The following HYDIN variants were observed in gnomAD, a reference collection of about 807,000 sequenced individuals.
HYDIN encodes the protein HYDIN axonemal central pair apparatus protein.
A neutral mutation model predicts 403.9 loss-of-function variants in HYDIN; 132 were observed. That is an observed-to-expected ratio of 0.33 (90% CI 0.28 to 0.38). The LOEUF (loss-of-function observed/expected upper bound fraction) is 0.38. Ranked by LOEUF, HYDIN falls within the 10% of genes least tolerant of loss-of-function variation. The pLI, the probability that HYDIN is intolerant of heterozygous loss-of-function variation, is 1.00. For synonymous variants in HYDIN, 1,202 were observed against 1,891.7 expected, an observed-to-expected ratio of 0.64 and a Z score of 9.46; for missense variants, 2,827 against 5,009.5, an observed-to-expected ratio of 0.56 and a Z score of 13.15.
chr16:71,148,512 G>T (rs1597884299), intron 7 of HYDIN, among the ~76,000 whole-genome samples: 1 of 152,186 alleles, frequency 6.6e-6, no homozygotes, highest in East Asian at 1.9e-4. Flanking sequence ...AGTAAATTTA[G>T]CAAAGTCTGC....
chr16:71,175,955 T>G, intron 4 of HYDIN: 1 of 582,506 alleles, frequency 1.7e-6, no homozygotes, highest in Non-Finnish European at 3.1e-6. Context: ...AACATTATTA[T>G]TCTTAGTTAT....
intron 41 of HYDIN, among the ~76,000 whole-genome samples, chr16:70,950,261 CT>C (rs1288501765): frequency 6.0e-5 from 9 of 150,218 alleles, no homozygotes; most frequent in African/African-American, 2.0e-4. Flanking sequence ...TTTTTATGTA[CT>C]TTTTTTGAGA....
intron 83 of HYDIN, among the ~76,000 whole-genome samples, chr16:70,826,705 ATCTC>A (rs3043151): frequency 0.26 from 33,253 of 128,708 alleles, 5,417 homozygotes; most frequent in East Asian, 0.53. Flanking sequence ...TCTTGCCAGC[ATCTC>A]TCTCTCTCTC....
intron 1 of HYDIN, among the ~76,000 whole-genome samples, chr16:71,210,754 T>C (rs1271249349): frequency 6.6e-6 from 1 of 152,182 alleles, no homozygotes; most frequent in Non-Finnish European, 1.5e-5. Context: ...ATTTCACTCA[T>C]TTAGATGAAA....
intron 8 of HYDIN, among the ~76,000 whole-genome samples, chr16:71,130,470 G>GTTTTTTTT (rs56853905): frequency 1.3e-5 from 1 of 75,786 alleles, no homozygotes; most frequent in Non-Finnish European, 2.6e-5. Context: ...ATATATACCG[G>GTTTTTTTT]TTTTTTTTTT....
chr16:71,185,792 C>T (rs2015813), intron 2 of HYDIN, among the ~76,000 whole-genome samples: 105,158 of 152,108 alleles, frequency 0.69, 38,160 homozygotes, highest in African/African-American at 0.91. Flanking sequence ...GGCAGCTACA[C>T]AATGCTCAAG....
intron 85 of HYDIN, 108 bp from the exon 86 acceptor site, chr16:70,808,170 G>A (rs2035221214): frequency 1.6e-6 from 2 of 1,251,196 alleles, no homozygotes; most frequent in Non-Finnish European, 2.2e-6. Flanking sequence ...AACTATGTCT[G>A]TGTGAGACTG....
rs202234815 is a variant in HYDIN at position 70,952,602 on chromosome 16, C to A, written c.6350G>T (p.Gly2117Val). Reference sequence around the variant, plus strand: ...GGTGTCAGTGCTCAGTCGTCCTTGCCCTATGACGTTTTGACCCACAGCTGC... The same window carrying A: ...GGTGTCAGTGCTCAGTCGTCCTTGCACTATGACGTTTTGACCCACAGCTGC... ...QEAAVGQNVIGQGRLSTDTLG... is the reference protein window; with the variant it reads ...QEAAVGQNVIVQGRLSTDTLG... The change falls in exon 41 of 86, where the codon GGG becomes GTG. Residue 2117 changes from glycine to valine, a missense_variant. Gly to Val is a moderately radical substitution (Grantham distance 109). Transcript: ENST00000393567. 663 of 1,613,586 alleles carry A rather than the reference C, an allele frequency of 4.1e-4. 3 individuals are homozygous for A. In the African/African-American group the frequency reaches 7.6e-3, roughly 18 times the overall value.
chr16:71,098,787 A>G lies in HYDIN; in HGVS notation c.1328-4852T>C, dbSNP rs2083367491. ...TGTGTTGTAATAAAGCAGTGAGCCA[A>G]TGTTTCTTTGGTAGTTATTAATTAC... On this transcript the variant is annotated intron_variant, in intron 10 of 85. Coordinates refer to ENST00000393567, the MANE Select transcript of HYDIN (RefSeq NM_001270974.2). Among the ~76,000 whole-genome samples, 7 of 148,422 alleles carry G rather than the reference A, an allele frequency of 4.7e-5. No homozygotes were observed. In the South Asian group the frequency reaches 1.3e-3, roughly 27 times the overall value.
chr16:71,110,208 A>G (rs1462180336), intron 10 of HYDIN, among the ~76,000 whole-genome samples: 1 of 147,578 alleles, frequency 6.8e-6, no homozygotes, highest in Non-Finnish European at 1.5e-5. Context: ...GCAGCATAAG[A>G]TATACAGGAT....
intron 18 of HYDIN, among the ~76,000 whole-genome samples, chr16:71,059,764 C>T (rs2144265395): frequency 6.6e-6 from 1 of 152,226 alleles, no homozygotes; most frequent in Middle Eastern, 3.4e-3. Context: ...TGCACATGTA[C>T]CTCCTGAAAC....
At chr16:71,038,323 A>T (rs2081165648) in intron 18 of HYDIN, among the ~76,000 whole-genome samples, 1 of 152,186 alleles carries the variant, frequency 6.6e-6, no homozygotes, top group African/African-American at 2.4e-5. Context: ...AAGGTAAAGC[A>T]GCCAGAGCTT....
chr16:70,902,821 A>ATTTTTTTTT (rs60618592), intron 52 of HYDIN, among the ~76,000 whole-genome samples: 14 of 47,302 alleles, frequency 3.0e-4, no homozygotes, highest in Admixed American at 1.3e-3. Flanking sequence ...ATATATATAT[A>ATTTTTTTTT]TTTTTTTTTT....
intron 10 of HYDIN, among the ~76,000 whole-genome samples, chr16:71,114,509 T>G (rs1401025696): frequency 6.6e-6 from 1 of 152,032 alleles, no homozygotes; most frequent in Admixed American, 6.5e-5. Context: ...TTCCTTTCAC[T>G]AAAGAGTGGC....
At position 70,850,576 on chromosome 16, in the gene HYDIN, C is replaced by A. The variant is rs377634293; in HGVS notation, c.12523G>T (p.Val4175Phe). 3 of 1,613,702 alleles carry A rather than the reference C, an allele frequency of 1.9e-6. No homozygotes were observed. The highest frequency in any genetic ancestry group is 1.3e-5 in the African/African-American group (1 of 74,834). Residue 4175 changes from valine (V) to phenylalanine (F), a missense_variant, in exon 74 of 86, where the codon GTC becomes TTC. By Grantham distance (50) the Val-to-Phe change is conservative (BLOSUM62 -1). Coordinates refer to ENST00000393567, the MANE Select transcript of HYDIN (RefSeq NM_001270974.2). ...TTGACATTTAATGTCACAGGGTGGA[C>A]TTTCTTTTCCACATTGCAGATCAAA... The part of the protein sequence containing the change: ...FNLICNVEKK[V>F]HPVTLNVKAE...
rs2079374120 is a variant in HYDIN, at chr16:70,992,109, G to A, written c.3746C>T (p.Thr1249Ile). The A allele has an allele frequency of 6.2e-7, 1 of 1,613,360 alleles. No homozygotes were observed. Among genetic ancestry groups the A allele is most frequent in the South Asian group, 1.1e-5 (1 of 91,008 alleles). ...TAAATCCATCTCGGGGGACTCTACT[G>A]TAACTAGGATTGCTGGTGGGCTGGC... is the stretch of plus-strand genomic sequence containing the variant. ...EAASPPAILV[T>I]VESPEMDLND... The change falls in exon 24 of 86, where the codon ACA becomes ATA. Residue 1249 changes from threonine (T) to isoleucine (I), a missense_variant. Coordinates refer to ENST00000393567, the MANE Select transcript of HYDIN (RefSeq NM_001270974.2).
chr16:71,031,445 T>G (rs1174063592), intron 19 of HYDIN: 1 of 1,356,358 alleles, frequency 7.4e-7, no homozygotes, highest in East Asian at 2.8e-5. Context: ...CTACAAACCA[T>G]ATTCTTCTCG....
intron 21 of HYDIN, among the ~76,000 whole-genome samples, chr16:71,021,965 G>A (rs1286671761): frequency 4.6e-5 from 7 of 151,916 alleles, no homozygotes; most frequent in Non-Finnish European, 8.8e-5. Flanking sequence ...CACTCCCAGG[G>A]TGACTTTAGG....
intron 41 of HYDIN, among the ~76,000 whole-genome samples, chr16:70,944,456 C>T (rs752774186): frequency 1.3e-5 from 2 of 152,132 alleles, no homozygotes; most frequent in Non-Finnish European, 2.9e-5. Flanking sequence ...GCTCATGTTA[C>T]CCGGGTTACG....
Sources: gnomAD v4.1 joint callset for allele counts (sites outside exome capture counted in the v4.1 genomes callset) on GRCh38, gnomAD v4.1.1 for gene constraint, MANE v1.5 for transcripts, NCBI Gene and HGNC (gene_info 2026-07-23, HGNC 2026-07-21) for gene names.